The following PTPRH variants were observed in gnomAD, a reference collection of about 807,000 sequenced individuals.
PTPRH encodes protein tyrosine phosphatase receptor type H.
Under a neutral mutation model 130.2 loss-of-function variants are expected in PTPRH, and 113 were observed. The ratio of observed to expected loss-of-function variants is 0.87; its 90% CI spans 0.75 to 1.01. PTPRH has a LOEUF of 1.01. PTPRH is among the 50% of genes least tolerant of loss of function. The probability of loss-of-function intolerance (pLI) is 0.00; values close to 1 mark genes in which losing one functional copy is unlikely to be tolerated. For synonymous variants in PTPRH, 556 were observed against 577.9 expected (o/e 0.96, Z 0.54); for missense variants, 1,430 against 1,425.0 (o/e 1.00, Z -0.06).
In PTPRH at chr19:55,181,598, C is replaced by T. The variant is rs1212362340; in HGVS notation, c.*156G>A. ...CTCATCTGAAGCCCACCAGACCACTCTCTCCTGGGGAAACCAGAGTTTGGG... is the reference window on the plus strand; with the variant it reads ...CTCATCTGAAGCCCACCAGACCACTTTCTCCTGGGGAAACCAGAGTTTGGG... On this transcript the variant is annotated 3_prime_UTR_variant, in exon 20 of 20. Coordinates refer to ENST00000376350, the MANE Select transcript of PTPRH (RefSeq NM_002842.5). 5.8e-6 allele frequency: 6 copies of T among 1,025,992 alleles called. No homozygotes were observed. The highest frequency in any genetic ancestry group is 8.6e-6 in the Non-Finnish European group (6 of 698,164). 63.6% of individuals were successfully genotyped at this position (1,025,992 alleles called of 1,614,324 possible). A position where few individuals can be genotyped will look rare whatever the true frequency, so the allele number is the denominator to read the frequency against.
Position 55,197,434 on chromosome 19 carries a change from A to T in PTPRH, c.1691-18T>A. On this transcript the variant is annotated intron_variant, in intron 8 of 19. Transcript: ENST00000376350. ...ATTGGGAGCTGAGAAGTGAGAACAG[A>T]GGCCTAAGGGGGTATCCTCGAAGAC... is the stretch of plus-strand genomic sequence containing the variant. 1 of 1,606,248 alleles carries T rather than the reference A, an allele frequency of 6.2e-7. No individual in the cohort carries two copies. Among genetic ancestry groups the T allele is most frequent in the Non-Finnish European group, 8.5e-7 (1 of 1,174,072 alleles).
At chr19:55,195,460 C>T (rs967776228) in intron 10 of PTPRH, among the ~76,000 whole-genome samples, 2 of 152,148 alleles carry the variant, frequency 1.3e-5, no homozygotes, top group Non-Finnish European at 2.9e-5. Flanking sequence ...AGAGATCATG[C>T]CACTGCACTC....
rs778712446 is a variant in PTPRH at position 55,186,529 on chromosome 19, G to A, written c.2578C>T (p.Arg860Trp). 4.5e-5 allele frequency: 72 copies of A among 1,613,976 alleles called. 1 individual carries two copies. Among genetic ancestry groups the A allele is most frequent in the East Asian group, 8.9e-5 (4 of 44,900 alleles). Residue 860 changes from arginine (R) to tryptophan (W), a missense_variant, in exon 15 of 20, where the codon CGG (arginine) becomes TGG (tryptophan). Arg to Trp is a moderately radical substitution (Grantham distance 101). Transcript: ENST00000376350. ...YRNVLPYDWSRVPLKPIHEEP... is the reference protein window; with the variant it reads ...YRNVLPYDWSWVPLKPIHEEP... The stretch of plus-strand genomic sequence containing the variant: ...TCATGGATGGGCTTCAGGGGCACCC[G>A]GGACCAGTCATCTAGGAGAAGAGGC...
At chr19:55,193,948 T>C in intron 10 of PTPRH, 1 of 319,162 alleles carries the variant, frequency 3.1e-6, no homozygotes, top group South Asian at 2.4e-5. Context: ...TCCTGGGTTC[T>C]AGTGATTCTC....
chr19:55,199,315 AAG>A (rs969133935), intron 7 of PTPRH, among the ~76,000 whole-genome samples: 7 of 151,156 alleles, frequency 4.6e-5, no homozygotes, highest in African/African-American at 1.5e-4. Flanking sequence ...AAAAGAAAGA[AAG>A]AGAGAGAGAG....
chr19:55,184,814 A>T (rs1280831720), intron 18 of PTPRH, among the ~76,000 whole-genome samples: 4 of 143,780 alleles, frequency 2.8e-5, no homozygotes. Flanking sequence ...ATAATAAAAT[A>T]AAATAAAATA....
chr19:55,187,065 G>A (rs1431782594), intron 14 of PTPRH, among the ~76,000 whole-genome samples: 2 of 149,626 alleles, frequency 1.3e-5, no homozygotes, highest in Non-Finnish European at 3.0e-5. Context: ...AAGGTGGGGG[G>A]CCGGGCGCAG....
In PTPRH at chr19:55,200,376, C is replaced by T. The variant is rs758684186; in HGVS notation, c.1280G>A (p.Gly427Asp). 1 of 1,614,208 alleles carries T rather than the reference C, an allele frequency of 6.2e-7. No homozygotes were observed. Residue 427 changes from glycine (G) to aspartate (D), a missense_variant, in exon 7 of 20, where the codon GGT becomes GAT. Gly to Asp is a moderately conservative substitution (Grantham distance 94). Coordinates refer to ENST00000376350, the MANE Select transcript of PTPRH (RefSeq NM_002842.5). ...YTYWVEYTGD[G>D]GGTETRNTTN... ...TGTGTTTCGGGTCTCTGTGCCACCA[C>T]CGTCTCCAGTGTACTCTACCCAGTA...
chr19:55,188,332 G>A (rs1698159127), intron 12 of PTPRH, among the ~76,000 whole-genome samples, 164 bp from the exon 13 acceptor site: 1 of 152,106 alleles, frequency 6.6e-6, no homozygotes, highest in Admixed American at 6.6e-5. Flanking sequence ...GGCCAACATG[G>A]TGAAACCCCA....
At chr19:55,181,984 T>C (rs759078060) in intron 19 of PTPRH, 32 bp downstream of exon 19, 1 of 1,613,856 alleles carries the variant, frequency 6.2e-7, no homozygotes, top group East Asian at 2.2e-5. Context: ...TCCCACTGCC[T>C]CCCGTCCTGT....
chr19:55,199,657 AAAAG>A (rs1028129026), intron 7 of PTPRH, among the ~76,000 whole-genome samples: 3 of 150,862 alleles, frequency 2.0e-5, no homozygotes, highest in African/African-American at 4.9e-5. Flanking sequence ...GGAAGGAAGG[AAAAG>A]AAAGAAAGAG....
intron 4 of PTPRH, among the ~76,000 whole-genome samples, chr19:55,204,684 A>G (rs1186204361): frequency 6.6e-6 from 1 of 151,742 alleles, no homozygotes; most frequent in Non-Finnish European, 1.5e-5. Flanking sequence ...CCACACTTTG[A>G]GTAACAAAGA....
intron 7 of PTPRH, 115 bp from the exon 8 acceptor site, chr19:55,199,027 G>T: frequency 9.4e-7 from 1 of 1,063,074 alleles, no homozygotes; most frequent in South Asian, 3.5e-5. Context: ...CTTCCTGGCA[G>T]GGCACAGTGG....
rs533861620 is a variant in PTPRH, at chr19:55,209,186, C to T, written c.51+197G>A. On this transcript the variant is annotated intron_variant, in intron 1 of 19. Coordinates refer to ENST00000376350, the MANE Select transcript of PTPRH (RefSeq NM_002842.5). The surrounding 1 kb of genome is among the most constrained non-coding windows in gnomAD (Gnocchi z 4.1). ...GGGCCCGGGTGAAGCTGGTGTCCCC[C>T]GCAGCAGACACGACAGTATCTAAGA... is the stretch of plus-strand genomic sequence containing the variant. 6.6e-6 allele frequency among the ~76,000 whole-genome samples: 1 copy of T among 151,976 alleles called. No homozygotes were observed. Among genetic ancestry groups the T allele is most frequent in the African/African-American group, 2.4e-5 (1 of 41,322 alleles).
chr19:55,197,299 G>A lies in PTPRH; in HGVS notation c.1808C>T (p.Ala603Val). The change falls in exon 9 of 20, where the codon GCC becomes GTC. Residue 603 changes from alanine to valine, a missense_variant. Ala to Val is a moderately conservative substitution (Grantham distance 64, BLOSUM62 0). Coordinates refer to ENST00000376350, the MANE Select transcript of PTPRH (RefSeq NM_002842.5). ...CCCCCTCCGGGGATGTCCCTTGCTG[G>A]CCCACTGGACCCAGTATACGTACAA... ...SQLYVYWVQWASKGHPRRGQD... is the reference protein window; with the variant it reads ...SQLYVYWVQWVSKGHPRRGQD... 3 of 1,614,220 alleles carry A rather than the reference G, an allele frequency of 1.9e-6. No individual in the cohort carries two copies. Among genetic ancestry groups the A allele is most frequent in the Non-Finnish European group, 2.5e-6 (3 of 1,180,040 alleles).
intron 3 of PTPRH, 63 bp from the exon 4 acceptor site, chr19:55,205,655 T>C: frequency 6.3e-7 from 1 of 1,592,284 alleles, no homozygotes; most frequent in Non-Finnish European, 8.6e-7. Context: ...TTCCAGCCCT[T>C]CCTTAACCGT....
At chr19:55,196,860 G>A (rs765034261) in intron 9 of PTPRH, 72 bp from the exon 10 acceptor site, 132 of 1,541,862 alleles carry the variant, frequency 8.6e-5, no homozygotes, top group Admixed American at 1.1e-4. Flanking sequence ...CCTACCCCCA[G>A]TTTTCTGAGA....
In PTPRH at chr19:55,181,602, C is replaced by A; in HGVS notation, c.*152G>T. The A allele has an allele frequency of 1.8e-6, 2 of 1,084,882 alleles. No homozygotes were observed. Among genetic ancestry groups the A allele is most frequent in the Non-Finnish European group, 2.7e-6 (2 of 745,348 alleles). The allele number at this position is 1,084,882 out of a possible 1,614,324, so 67.2% of individuals were successfully genotyped here. A position where few individuals can be genotyped will look rare whatever the true frequency, so the allele number is the denominator to read the frequency against. ...TCTGAAGCCCACCAGACCACTCTCT[C>A]CTGGGGAAACCAGAGTTTGGGATAC... On this transcript the variant is annotated 3_prime_UTR_variant, in exon 20 of 20. Transcript: ENST00000376350.
chr19:55,195,858 A>C (rs144904464), intron 10 of PTPRH, among the ~76,000 whole-genome samples: 1 of 151,952 alleles, frequency 6.6e-6, no homozygotes, highest in Non-Finnish European at 1.5e-5. Flanking sequence ...GGCATGAGCC[A>C]CTGTGCCCAC....
Sources: gnomAD v4.1 joint callset for allele counts (sites outside exome capture counted in the v4.1 genomes callset) on GRCh38, gnomAD v4.1.1 for gene constraint, Gnocchi (gnomAD v3.1) non-coding constraint, MANE v1.5 for transcripts, NCBI Gene and HGNC (gene_info 2026-07-23, HGNC 2026-07-21) for gene names.